The following ATXN1 variants were observed in gnomAD, a reference collection of about 807,000 sequenced individuals.
ATXN1 encodes ataxin 1.
ATXN1 carries 8 observed loss-of-function variants against 56.4 expected under a neutral mutation model. The observed-to-expected ratio is 0.14, with a 90% CI of 0.08 to 0.26. The LOEUF (loss-of-function observed/expected upper bound fraction) is 0.26, where lower values mean the gene tolerates loss of function less well. Among genes scored for constraint, ATXN1 ranks in the 10% least tolerant of loss-of-function variants. The pLI is 1.00. For missense variants in ATXN1, 987 were observed against 1,106.5 expected, an observed-to-expected ratio of 0.89 and a Z score of 1.53; for synonymous variants, 514 against 494.6, an observed-to-expected ratio of 1.04 and a Z score of -0.52.
intron 2 of ATXN1, 161 bp downstream of exon 2, chr6:16,753,072 A>G (rs572698760): frequency 1.1e-4 from 38 of 348,742 alleles, no homozygotes; most frequent in African/African-American, 7.7e-4. Context: ...TTAAAAAACA[A>G]TCTTGGCAAT....
chr6:16,545,376 G>C (rs1761795151), intron 4 of ATXN1, among the ~76,000 whole-genome samples: 1 of 151,340 alleles, frequency 6.6e-6, no homozygotes, highest in Non-Finnish European at 1.5e-5. Context: ...ATAACATTTT[G>C]AGGAAGGATT....
At chr6:16,736,703 T>C (rs1760146786) in intron 2 of ATXN1, 1 of 152,196 alleles carries the variant, frequency 6.6e-6, no homozygotes, top group Non-Finnish European at 1.5e-5. Context: ...ATATTCCAGG[T>C]ATAAATCCCC....
At chr6:16,431,492 G>A (rs1024779174) in intron 6 of ATXN1, among the ~76,000 whole-genome samples, 2 of 152,186 alleles carry the variant, frequency 1.3e-5, no homozygotes, top group Admixed American at 6.5e-5. Flanking sequence ...GTACATTTTA[G>A]GGGTGAAGTT....
At chr6:16,375,544 T>G (rs1161761274) in intron 6 of ATXN1, among the ~76,000 whole-genome samples, 2 of 152,234 alleles carry the variant, frequency 1.3e-5, no homozygotes, top group African/African-American at 4.8e-5. Context: ...CACAGTAGTT[T>G]CTGGGGGACC....
intron 3 of ATXN1, among the ~76,000 whole-genome samples, chr6:16,614,412 A>G (rs1387994402): frequency 1.3e-5 from 2 of 151,200 alleles, no homozygotes; most frequent in African/African-American, 4.9e-5. Context: ...TTCTTTCTCT[A>G]CCAGTTTCCA....
At chr6:16,443,463 A>G (rs1348092633) in intron 6 of ATXN1, among the ~76,000 whole-genome samples, 3 of 152,224 alleles carry the variant, frequency 2.0e-5, no homozygotes, top group African/African-American at 7.2e-5. Context: ...ACTCAAATGT[A>G]TATCCAGTTA....
At chr6:16,721,814 A>G (rs1483857841) in intron 2 of ATXN1, among the ~76,000 whole-genome samples, 2 of 152,150 alleles carry the variant, frequency 1.3e-5, no homozygotes, top group Non-Finnish European at 2.9e-5. Flanking sequence ...AGATGTGCCT[A>G]TCTTTCAATT....
intron 6 of ATXN1, among the ~76,000 whole-genome samples, chr6:16,437,300 G>C (rs1759414181): frequency 6.6e-6 from 1 of 152,238 alleles, no homozygotes. Context: ...TGTATCGGCT[G>C]TGGGTGGGAG....
chr6:16,395,751 C>T (rs1758442323), intron 6 of ATXN1, among the ~76,000 whole-genome samples: 1 of 152,140 alleles, frequency 6.6e-6, no homozygotes, highest in Non-Finnish European at 1.5e-5. Context: ...GGCGCAGTGG[C>T]TCATGCCTGT....
At chr6:16,510,465 C>T (rs1415464901) in intron 5 of ATXN1, among the ~76,000 whole-genome samples, 1 of 152,128 alleles carries the variant, frequency 6.6e-6, no homozygotes, top group African/African-American at 2.4e-5. Context: ...AAACTAGGGC[C>T]AGGCACAGTG....
intron 3 of ATXN1, among the ~76,000 whole-genome samples, chr6:16,607,523 A>G (rs1343078609): frequency 1.3e-5 from 2 of 152,214 alleles, no homozygotes; most frequent in African/African-American, 4.8e-5. Flanking sequence ...TGTAACTTCA[A>G]AATGGAATGT....
At chr6:16,480,154 C>CA (rs60209783) in intron 6 of ATXN1, among the ~76,000 whole-genome samples, 29,891 of 77,832 alleles carry the variant, frequency 0.38, 6,826 homozygotes, top group Middle Eastern at 0.49. Context: ...ACTTCATCTG[C>CA]AAAAAAAAAA....
At position 16,369,850 on chromosome 6, in the gene ATXN1, C is replaced by T. The variant is rs563262466; in HGVS notation, c.-160-41380G>A. 6.6e-5 allele frequency among the ~76,000 whole-genome samples: 10 copies of T among 152,198 alleles called. No homozygotes were observed. In the East Asian group the frequency reaches 1.5e-3, roughly 24 times the overall value. On this transcript the variant is annotated intron_variant, in intron 6 of 7. Transcript: ENST00000436367. ...TGTATAATGGTCTCTGAAATGCTAA[C>T]GGAAGCCAAGAAATCACCTGACATG...
intron 6 of ATXN1, among the ~76,000 whole-genome samples, chr6:16,357,019 T>C (rs1455249150): frequency 6.6e-6 from 1 of 152,112 alleles, no homozygotes; most frequent in Non-Finnish European, 1.5e-5. Flanking sequence ...TTATATTCTT[T>C]TCACCAACAG....
At position 16,328,800 on chromosome 6, in the gene ATXN1, G is replaced by A. The variant is rs181190441; in HGVS notation, c.-160-330C>T. Among the ~76,000 whole-genome samples, 31 of 152,238 alleles carry A rather than the reference G, an allele frequency of 2.0e-4. No individual in the cohort carries two copies. The East Asian group carries it at 4.2e-3, about 21-fold the overall frequency. ...CCTGGTGTAACATTAGCTGGCACAC[G>A]GCTGTAGTCCCAGCTACTTGAGAGG... On this transcript the variant is annotated intron_variant, in intron 6 of 7. Coordinates refer to ENST00000436367, the MANE Select transcript of ATXN1 (RefSeq NM_001128164.2). This position sits in a 1 kb window ranked among gnomAD's most constrained non-coding sequence, Gnocchi z 6.2.
intron 6 of ATXN1, among the ~76,000 whole-genome samples, chr6:16,478,665 G>A (rs1760376283): frequency 6.6e-6 from 1 of 152,154 alleles, no homozygotes; most frequent in African/African-American, 2.4e-5. Context: ...CAACTCGTAG[G>A]AGCCCCATGC....
intron 6 of ATXN1, among the ~76,000 whole-genome samples, chr6:16,425,715 A>G (rs2237202): frequency 0.14 from 20,818 of 152,042 alleles, 1,925 homozygotes; most frequent in East Asian, 0.49. Context: ...ATTTAAGAAT[A>G]AGAAGTCATC....
intron 2 of ATXN1, among the ~76,000 whole-genome samples, chr6:16,703,582 A>G (rs1457292796): frequency 1.3e-5 from 2 of 152,164 alleles, no homozygotes. Context: ...AGACTTGGAG[A>G]CTAACATCTT....
chr6:16,672,197 C>T (rs1014979447), intron 2 of ATXN1, among the ~76,000 whole-genome samples: 1 of 152,174 alleles, frequency 6.6e-6, no homozygotes, highest in African/African-American at 2.4e-5. Context: ...AACACGTTTC[C>T]CTCTTGTTTA....
Sources: allele counts gnomAD v4.1 joint callset (sites outside exome capture counted in the v4.1 genomes callset), GRCh38; gene constraint gnomAD v4.1.1; non-coding constraint Gnocchi (gnomAD v3.1); transcripts MANE v1.5; gene names NCBI Gene and HGNC (gene_info 2026-07-23, HGNC 2026-07-21).